NDUFA9: variants seen among roughly 807,000 people sequenced by gnomAD.
NDUFA9 encodes the protein NADH:ubiquinone oxidoreductase subunit A9.
NDUFA9 carries 23 observed loss-of-function variants against 45.9 expected under a neutral mutation model. That is an observed-to-expected ratio of 0.50 (90% CI 0.36 to 0.71). The LOEUF is 0.71. Among genes scored for constraint, NDUFA9 ranks in the 30% least tolerant of loss-of-function variants. The pLI is 0.00. For missense variants in NDUFA9, 466 were observed against 488.2 expected (o/e 0.95, Z 0.43); for synonymous variants, 176 against 170.5 (o/e 1.03, Z -0.25).
chr12:4,665,378 T>C (rs1945847202), intron 6 of NDUFA9, among the ~76,000 whole-genome samples: 1 of 152,228 alleles, frequency 6.6e-6, no homozygotes, highest in Non-Finnish European at 1.5e-5. Flanking sequence ...CATAATATGC[T>C]CAAGGTGCAT....
rs551508677 is a variant in NDUFA9, at chr12:4,694,173, G to C, written c.*7065G>C. The stretch of plus-strand genomic sequence containing the variant: ...TCTTGTCTATAGACGTGTACATTGT[G>C]TCTTAGCGTAGATTCACCCGACCTC... On this transcript the variant is annotated 3_prime_UTR_variant, in exon 11 of 11. Transcript: ENST00000266544. 4.6e-5 allele frequency: 7 copies of C among 152,328 alleles called. No homozygotes were observed. The highest frequency in any genetic ancestry group is 1.7e-4 in the African/African-American group (7 of 41,568). 9.4% of individuals were successfully genotyped at this position (152,328 alleles called of 1,614,324 possible). A position where few individuals can be genotyped will look rare whatever the true frequency, so the allele number is the denominator to read the frequency against.
At chr12:4,685,107 G>A (rs904654833) in intron 9 of NDUFA9, 152 bp from the exon 10 acceptor site, 2 of 729,774 alleles carry the variant, frequency 2.7e-6, no homozygotes, top group African/African-American at 1.7e-5. Flanking sequence ...AGCAGAGGTA[G>A]CCTCACAGGT....
At chr12:4,653,395 C>T in intron 1 of NDUFA9, 4 of 281,244 alleles carry the variant, frequency 1.4e-5, no homozygotes, top group South Asian at 1.0e-4. Context: ...TAGAATGGCT[C>T]AAAGCAGAAT....
chr12:4,675,179 A>G (rs992450231), intron 8 of NDUFA9, among the ~76,000 whole-genome samples: 5 of 152,224 alleles, frequency 3.3e-5, no homozygotes, highest in African/African-American at 1.2e-4. Context: ...GTGTAGAGGG[A>G]AATTTATAGC....
rs541489554 is a variant in NDUFA9 at position 4,688,480 on chromosome 12, G to GAA, written c.*1388_*1389dup. 4.7e-3 allele frequency: 618 copies of GAA among 131,920 alleles called. 4 individuals are homozygous for GAA. Among genetic ancestry groups the GAA allele is most frequent in the African/African-American group, 6.4e-3 (225 of 34,998 alleles). The allele number at this position is 131,920 out of a possible 1,614,324, so 8.2% of individuals were successfully genotyped here. A position where few individuals can be genotyped will look rare whatever the true frequency, so the allele number is the denominator to read the frequency against. On this transcript the variant is annotated 3_prime_UTR_variant, in exon 11 of 11. Transcript: ENST00000266544. ...AGCTTGGACTGAAGATCCTGTCTCA[G>GAA]AAAAAAAAAAAAAAAAAGGCAGAAT...
intron 4 of NDUFA9, 95 bp from the exon 5 acceptor site, chr12:4,658,941 A>G: frequency 1.6e-6 from 2 of 1,289,708 alleles, no homozygotes; most frequent in Non-Finnish European, 2.2e-6. Flanking sequence ...AGTAGTGTGA[A>G]TTTCAGTACT....
chr12:4,676,173 C>A (rs949230415), intron 8 of NDUFA9, among the ~76,000 whole-genome samples: 1 of 152,184 alleles, frequency 6.6e-6, no homozygotes, highest in Non-Finnish European at 1.5e-5. Flanking sequence ...GACAAACCCA[C>A]AGCCAATATC....
intron 6 of NDUFA9, among the ~76,000 whole-genome samples, chr12:4,663,451 G>C (rs1385097130): frequency 6.6e-6 from 1 of 152,158 alleles, no homozygotes; most frequent in African/African-American, 2.4e-5. Flanking sequence ...GGTTAAATGA[G>C]GCCATAAGGG....
At chr12:4,653,648 A>G (rs1263057864) in intron 1 of NDUFA9, 2 of 448,740 alleles carry the variant, frequency 4.5e-6, no homozygotes, top group Admixed American at 4.9e-5. Flanking sequence ...TCCTTTTATC[A>G]TTATTTGTGA....
At position 4,694,150 on chromosome 12, in the gene NDUFA9, T is replaced by C; in HGVS notation, c.*7042T>C. 6.6e-6 allele frequency: 1 copy of C among 152,266 alleles called. No homozygotes were observed. The highest frequency in any genetic ancestry group is 1.5e-5 in the Non-Finnish European group (1 of 68,040). The allele number at this position is 152,266 out of a possible 1,614,324, so 9.4% of individuals were successfully genotyped here. ...AACTGATAGCAGAGCAAAATAATTC[T>C]TGTCTATAGACGTGTACATTGTGTC... On this transcript the variant is annotated 3_prime_UTR_variant, in exon 11 of 11. Transcript: ENST00000266544.
intron 9 of NDUFA9, among the ~76,000 whole-genome samples, chr12:4,683,934 T>C (rs1440477498): frequency 2.6e-5 from 4 of 152,198 alleles, no homozygotes; most frequent in Admixed American, 2.0e-4. Flanking sequence ...GACCAAAAAA[T>C]GTCTACAAAT....
chr12:4,653,125 A>G (rs1167827385), intron 1 of NDUFA9, among the ~76,000 whole-genome samples: 1 of 152,274 alleles, frequency 6.6e-6, no homozygotes, highest in African/African-American at 2.4e-5. Flanking sequence ...GCTAACTCTA[A>G]AATTCTATTC....
intron 8 of NDUFA9, among the ~76,000 whole-genome samples, chr12:4,670,067 T>G (rs1056027032): frequency 3.3e-5 from 5 of 152,220 alleles, no homozygotes; most frequent in African/African-American, 9.6e-5. Context: ...GATGGTTTTG[T>G]ACTACTCCAG....
chr12:4,676,151 AG>A (rs1430877372), intron 8 of NDUFA9, among the ~76,000 whole-genome samples: 1 of 152,210 alleles, frequency 6.6e-6, no homozygotes, highest in Non-Finnish European at 1.5e-5. Context: ...CAAAATAATA[AG>A]AGCTATTTAT....
chr12:4,689,672 C>G lies in NDUFA9; in HGVS notation c.*2564C>G. 1 of 182,340 alleles carries G rather than the reference C, an allele frequency of 5.5e-6. No homozygotes were observed. Among genetic ancestry groups the G allele is most frequent in the Non-Finnish European group, 1.1e-5 (1 of 90,656 alleles). 11.3% of individuals were successfully genotyped at this position (182,340 alleles called of 1,614,324 possible). A position where few individuals can be genotyped will look rare whatever the true frequency, so the allele number is the denominator to read the frequency against. On this transcript the variant is annotated 3_prime_UTR_variant, in exon 11 of 11. Transcript: ENST00000266544. ...CAGAAGAATTTTTCTTAGTACAGAA[C>G]AAAGTGAAGTCTCCCATGTCTACTT... is the stretch of plus-strand genomic sequence containing the variant.
intron 7 of NDUFA9, 62 bp from the exon 8 acceptor site, chr12:4,669,679 T>A: frequency 9.3e-7 from 1 of 1,073,160 alleles, no homozygotes. Context: ...TTTCTATCTC[T>A]CCATCTCCCA....
chr12:4,690,473 T>TG lies in NDUFA9; in HGVS notation c.*3370dup, dbSNP rs1946013240. 6.6e-6 allele frequency: 1 copy of TG among 152,038 alleles called. No individual in the cohort carries two copies. The highest frequency in any genetic ancestry group is 1.5e-5 in the Non-Finnish European group (1 of 68,038). The allele number at this position is 152,038 out of a possible 1,614,324, so 9.4% of individuals were successfully genotyped here. ...TAATCCCAGCACTTTGGGAGGCTGA[T>TG]GGGGGTGGATCATGAGGTTAGGAGT... On this transcript the variant is annotated 3_prime_UTR_variant, in exon 11 of 11. Coordinates refer to ENST00000266544, the MANE Select transcript of NDUFA9 (RefSeq NM_005002.5).
intron 6 of NDUFA9, among the ~76,000 whole-genome samples, chr12:4,663,788 A>C (rs1945837324): frequency 6.6e-6 from 1 of 152,244 alleles, no homozygotes; most frequent in Non-Finnish European, 1.5e-5. Flanking sequence ...ATACCTAAAA[A>C]TGTGAACGTG....
At chr12:4,656,702 G>A (rs1945792820) in intron 3 of NDUFA9, among the ~76,000 whole-genome samples, 1 of 152,170 alleles carries the variant, frequency 6.6e-6, no homozygotes, top group African/African-American at 2.4e-5. Flanking sequence ...ATCACTCACT[G>A]CTGTAGATTT....
Sources: allele counts gnomAD v4.1 joint callset (sites outside exome capture counted in the v4.1 genomes callset), GRCh38; gene constraint gnomAD v4.1.1; transcripts MANE v1.5; gene names NCBI Gene and HGNC (gene_info 2026-07-23, HGNC 2026-07-21).